Variants in MAML3 observed in about 807,000 individuals in gnomAD.
MAML3 encodes the protein mastermind like transcriptional coactivator 3, also known as mastermind-like protein 3.
In MAML3, 27 loss-of-function variants were observed where a neutral mutation model predicts 101.9. The ratio of observed to expected loss-of-function variants is 0.27; its 90% CI spans 0.20 to 0.37. The LOEUF (loss-of-function observed/expected upper bound fraction) is 0.37, where lower values mean the gene tolerates loss of function less well. Among genes scored for constraint, MAML3 ranks in the 10% least tolerant of loss-of-function variants. MAML3 has a pLI of 1.00. For synonymous variants in MAML3, 501 were observed against 555.9 expected (o/e 0.90, Z 1.39); for missense variants, 1,316 against 1,444.9 (o/e 0.91, Z 1.45).
chr4:139,965,896 T>A (rs1243512419), intron 1 of MAML3, among the ~76,000 whole-genome samples: 1 of 152,100 alleles, frequency 6.6e-6, no homozygotes, highest in Non-Finnish European at 1.5e-5. Context: ...GAGGTTCTTA[T>A]AAGAACACAA....
intron 1 of MAML3, among the ~76,000 whole-genome samples, chr4:140,140,625 C>A (rs1728964534): frequency 6.6e-6 from 1 of 152,142 alleles, no homozygotes; most frequent in Non-Finnish European, 1.5e-5. Context: ...TAAACCAAAT[C>A]TAGATCATAA....
At chr4:139,961,753 T>C (rs539727223) in intron 1 of MAML3, among the ~76,000 whole-genome samples, 7 of 152,252 alleles carry the variant, frequency 4.6e-5, no homozygotes, top group African/African-American at 1.4e-4. Flanking sequence ...AAGTTTTCAA[T>C]AAACAGGAAG....
chr4:140,087,659 C>T (rs1260053475), intron 1 of MAML3, among the ~76,000 whole-genome samples: 25 of 152,104 alleles, frequency 1.6e-4, no homozygotes, highest in Admixed American at 1.6e-3. Flanking sequence ...AGGCATATAA[C>T]TTCACTTTAA....
At chr4:140,152,794 A>G (rs2111071490) in intron 1 of MAML3, 66 bp downstream of exon 1, 1 of 1,559,720 alleles carries the variant, frequency 6.4e-7, no homozygotes, top group East Asian at 2.3e-5. Flanking sequence ...AAGAAGCTCC[A>G]CGCGCCCCCC....
At chr4:140,026,827 G>T (rs1726833936) in intron 1 of MAML3, among the ~76,000 whole-genome samples, 1 of 152,058 alleles carries the variant, frequency 6.6e-6, no homozygotes, top group South Asian at 2.1e-4. Flanking sequence ...AGTAGCTGGA[G>T]AATATCCTGT....
intron 1 of MAML3, among the ~76,000 whole-genome samples, chr4:139,894,687 GA>G (rs1228600778): frequency 6.6e-6 from 1 of 151,828 alleles, no homozygotes; most frequent in Admixed American, 6.6e-5. Context: ...TCGAACTGCT[GA>G]ACACAAGGCC....
Position 140,153,442 on chromosome 4 carries a change from C to A in MAML3, c.-115G>T, listed in dbSNP as rs1729214670. The A allele has an allele frequency of 3.3e-6, 4 of 1,220,078 alleles. No individual in the cohort carries two copies. Among genetic ancestry groups the A allele is most frequent in the African/African-American group, 3.2e-5 (2 of 62,794 alleles). 75.6% of individuals were successfully genotyped at this position (1,220,078 alleles called of 1,614,324 possible). A position where few individuals can be genotyped will look rare whatever the true frequency, so the allele number is the denominator to read the frequency against. On this transcript the variant is annotated 5_prime_UTR_variant, in exon 1 of 5. Transcript: ENST00000509479. ...AAGTGGAACGCGGGGGAGACGCAAG[C>A]ACATGGATGGAAACGGCGATCCCGA...
intron 2 of MAML3, among the ~76,000 whole-genome samples, chr4:139,835,645 A>G (rs921121236): frequency 2.6e-5 from 4 of 152,166 alleles, no homozygotes; most frequent in African/African-American, 7.2e-5. Context: ...GACCTGCCCT[A>G]TTTTTACTCG....
chr4:139,970,460 A>T (rs1181768586), intron 1 of MAML3, among the ~76,000 whole-genome samples: 1 of 152,172 alleles, frequency 6.6e-6, no homozygotes, highest in Non-Finnish European at 1.5e-5. Flanking sequence ...CTTACTGTGC[A>T]GGCAGTGCAG....
chr4:140,012,977 C>A (rs1223664493), intron 1 of MAML3, among the ~76,000 whole-genome samples: 1 of 152,196 alleles, frequency 6.6e-6, no homozygotes, highest in Admixed American at 6.5e-5. Context: ...CGGAAATGAC[C>A]TCTATCCGTG....
At chr4:140,139,364 C>T (rs991902850) in intron 1 of MAML3, among the ~76,000 whole-genome samples, 3 of 151,804 alleles carry the variant, frequency 2.0e-5, no homozygotes, top group Admixed American at 1.3e-4. Flanking sequence ...TTTAAAGAAA[C>T]GGTCTGAAAC....
chr4:139,776,824 C>T (rs189338352), intron 2 of MAML3, among the ~76,000 whole-genome samples: 12 of 152,138 alleles, frequency 7.9e-5, no homozygotes, highest in East Asian at 1.9e-4. Context: ...GTTTTACTGG[C>T]GTGACACTGT....
chr4:139,966,334 A>G (rs769822053), intron 1 of MAML3, among the ~76,000 whole-genome samples: 12 of 152,164 alleles, frequency 7.9e-5, no homozygotes, highest in Non-Finnish European at 1.2e-4. Flanking sequence ...TGAACACGTT[A>G]GGTTTTAACA....
intron 1 of MAML3, among the ~76,000 whole-genome samples, chr4:140,012,189 G>A (rs1055232088): frequency 6.6e-6 from 1 of 152,168 alleles, no homozygotes; most frequent in Admixed American, 6.5e-5. Context: ...ATGAGAAAAA[G>A]AAGATAAAAG....
intron 2 of MAML3, among the ~76,000 whole-genome samples, chr4:139,805,728 A>G (rs187783060): frequency 5.8e-4 from 88 of 152,320 alleles, no homozygotes; most frequent in African/African-American, 2.1e-3. Flanking sequence ...TCATTTAGGA[A>G]TTTAATAAAT....
At chr4:140,057,356 CA>C (rs2110931802) in intron 1 of MAML3, among the ~76,000 whole-genome samples, 1 of 152,090 alleles carries the variant, frequency 6.6e-6, no homozygotes, top group South Asian at 2.1e-4. Context: ...AGAAAGAAGA[CA>C]AAATCTTTTT....
rs75606963 is a variant in MAML3, at chr4:140,099,991, G to A, written c.468+52869C>T. Among the ~76,000 whole-genome samples, 60 of 152,200 alleles carry A rather than the reference G, an allele frequency of 3.9e-4. No individual in the cohort carries two copies. In the East Asian group the frequency reaches 0.011, roughly 28 times the overall value. On this transcript the variant is annotated intron_variant, in intron 1 of 4. Transcript: ENST00000509479. ...AAATCTGCATTCAGAGAAAGTCCAC[G>A]TGTCCCCAACCCATCTGTTCAGCCT...
At chr4:139,938,434 CAGTT>C (rs1261293110) in intron 1 of MAML3, among the ~76,000 whole-genome samples, 2 of 152,322 alleles carry the variant, frequency 1.3e-5, no homozygotes, top group African/African-American at 2.4e-5. Context: ...GGCCTACTAT[CAGTT>C]AGTAAGGCTT....
chr4:139,748,397 C>T (rs1273706354), intron 2 of MAML3, among the ~76,000 whole-genome samples: 1 of 152,122 alleles, frequency 6.6e-6, no homozygotes, highest in Non-Finnish European at 1.5e-5. Flanking sequence ...GGAGGAGGGT[C>T]TAGAAATGGA....
Sources: gnomAD v4.1 joint callset for allele counts (sites outside exome capture counted in the v4.1 genomes callset) on GRCh38, gnomAD v4.1.1 for gene constraint, MANE v1.5 for transcripts, NCBI Gene and HGNC (gene_info 2026-07-23, HGNC 2026-07-21) for gene names.